The following CYFIP2 variants were observed in gnomAD, a reference collection of about 807,000 sequenced individuals.
CYFIP2 encodes the protein cytoplasmic FMR1-interacting protein 2.
CYFIP2 carries 29 observed loss-of-function variants against 158.7 expected under a neutral mutation model. The ratio of observed to expected loss-of-function variants is 0.18; its 90% CI spans 0.14 to 0.25. CYFIP2 has a LOEUF of 0.25. Ranked by LOEUF, CYFIP2 falls within the 10% of genes least tolerant of loss-of-function variation. CYFIP2 has a pLI of 1.00. For missense variants in CYFIP2, 852 were observed against 1,639.5 expected, an observed-to-expected ratio of 0.52 and a Z score of 8.29; for synonymous variants, 585 against 617.6, an observed-to-expected ratio of 0.95 and a Z score of 0.78.
At chr5:157,274,555 G>T (rs1279458776) in intron 1 of CYFIP2, among the ~76,000 whole-genome samples, 12 of 152,252 alleles carry the variant, frequency 7.9e-5, no homozygotes, top group Non-Finnish European at 2.9e-5. Flanking sequence ...TTTTTGTGTG[G>T]ACCTGTATTT....
At chr5:157,313,886 T>G (rs1759931671) in intron 11 of CYFIP2, among the ~76,000 whole-genome samples, 2 of 152,184 alleles carry the variant, frequency 1.3e-5, no homozygotes, top group Admixed American at 1.3e-4. Flanking sequence ...AAATATAGAC[T>G]AGAAAATCAG....
chr5:157,295,074 A>G (rs989487020), intron 4 of CYFIP2, among the ~76,000 whole-genome samples: 2 of 152,330 alleles, frequency 1.3e-5, no homozygotes, highest in African/African-American at 2.4e-5. Flanking sequence ...ACATTTGTTC[A>G]ATATATTTTA....
intron 1 of CYFIP2, among the ~76,000 whole-genome samples, chr5:157,283,104 T>C (rs74990244): frequency 0.12 from 18,404 of 152,248 alleles, 1,444 homozygotes; most frequent in Admixed American, 0.22. Flanking sequence ...CTTCAGACTA[T>C]GGAGCTGGAC....
At chr5:157,358,855 C>G in intron 23 of CYFIP2, 150 bp from the exon 24 acceptor site, 1 of 987,418 alleles carries the variant, frequency 1.0e-6, no homozygotes, top group Non-Finnish European at 1.5e-6. Flanking sequence ...CTCTCTATGA[C>G]CACCATTTTG....
chr5:157,330,756 A>G lies in CYFIP2; in HGVS notation c.2171A>G (p.Lys724Arg). ...KAMAGSVLLD[K>R]RFRAECKNYG... is the part of the protein sequence containing the mutation. ...ATTCCTTGCAGTGTCCTGTTGGATA[A>G]ACGTTTTCGAGCTGAGTGTAAGAAT... The change falls in exon 20 of 31, where the codon AAA becomes AGA. Residue 724 changes from lysine to arginine, a missense_variant. Lys to Arg is a conservative substitution (Grantham distance 26, BLOSUM62 2). Coordinates refer to ENST00000620254, the MANE Select transcript of CYFIP2 (RefSeq NM_001037333.3). 1 of 1,613,960 alleles carries G rather than the reference A, an allele frequency of 6.2e-7. No individual in the cohort carries two copies. The highest frequency in any genetic ancestry group is 1.1e-5 in the South Asian group (1 of 91,082).
rs1759540892 is a variant in CYFIP2 at position 157,309,655 on chromosome 5, G to A, written c.901-88G>A. On this transcript the variant is annotated intron_variant, in intron 9 of 30. Coordinates refer to ENST00000620254, the MANE Select transcript of CYFIP2 (RefSeq NM_001037333.3). Reference sequence around the variant, plus strand: ...GGGTCGGCCCCCAGGCACACACAGAGGCCTGCCTCCCACAGTGGGGTGGCA... The same window carrying A: ...GGGTCGGCCCCCAGGCACACACAGAAGCCTGCCTCCCACAGTGGGGTGGCA... 3 of 1,207,796 alleles carry A rather than the reference G, an allele frequency of 2.5e-6. No individual in the cohort carries two copies. The East Asian group carries it at 7.6e-5, about 31-fold the overall frequency. The allele number at this position is 1,207,796 out of a possible 1,614,324, so 74.8% of individuals were successfully genotyped here.
At chr5:157,342,183 A>G (rs1179025358) in intron 23 of CYFIP2, 1 of 152,584 alleles carries the variant, frequency 6.6e-6, no homozygotes, top group Non-Finnish European at 1.5e-5. Flanking sequence ...GTTTATTCTT[A>G]TGTCTCTTCC....
chr5:157,346,188 T>C (rs1762677714), intron 23 of CYFIP2, among the ~76,000 whole-genome samples: 1 of 151,924 alleles, frequency 6.6e-6, no homozygotes, highest in Non-Finnish European at 1.5e-5. Context: ...GGGCTTGGGC[T>C]ACATCAGGAT....
At chr5:157,337,545 A>C (rs1042371131) in intron 21 of CYFIP2, among the ~76,000 whole-genome samples, 1 of 152,204 alleles carries the variant, frequency 6.6e-6, no homozygotes, top group Non-Finnish European at 1.5e-5. Flanking sequence ...ATTTCTGCAC[A>C]CTTCAACTTA....
intron 23 of CYFIP2, chr5:157,342,544 T>TAA (rs55678400): frequency 0.97 from 225,176 of 232,952 alleles, 108,921 homozygotes; most frequent in East Asian, 1. Context: ...GTGTTTTATT[T>TAA]GTCATGCAAA....
intron 3 of CYFIP2, among the ~76,000 whole-genome samples, chr5:157,292,925 A>C (rs2113864104): frequency 6.6e-6 from 1 of 152,288 alleles, no homozygotes; most frequent in African/African-American, 2.4e-5. Flanking sequence ...ATGATTTAAC[A>C]GATGACTAAG....
At chr5:157,343,637 G>T (rs1762466419) in intron 23 of CYFIP2, 2 of 996,040 alleles carry the variant, frequency 2.0e-6, no homozygotes, top group African/African-American at 3.3e-5. Flanking sequence ...TTTGAGACGG[G>T]CACTCATGTT....
intron 1 of CYFIP2, among the ~76,000 whole-genome samples, chr5:157,273,167 TG>T (rs1221130839): frequency 1.3e-5 from 2 of 152,150 alleles, no homozygotes; most frequent in Non-Finnish European, 2.9e-5. Flanking sequence ...TGCCTGGCCC[TG>T]TCCTTTTCTT....
chr5:157,342,675 A>G (rs2113253593), intron 23 of CYFIP2: 1 of 562,402 alleles, frequency 1.8e-6, no homozygotes, highest in East Asian at 2.8e-5. Context: ...GTGCCTTGGC[A>G]TACCCTGGGG....
rs945876722 is a variant in CYFIP2 at position 157,395,305 on chromosome 5, C to A, written c.*2305C>A. The A allele has an allele frequency of 2.1e-5, 6 of 281,272 alleles. No homozygotes were observed. The highest frequency in any genetic ancestry group is 4.1e-5 in the Non-Finnish European group (6 of 147,718). The allele number at this position is 281,272 out of a possible 1,614,324, so 17.4% of individuals were successfully genotyped here. On this transcript the variant is annotated 3_prime_UTR_variant, in exon 31 of 31. Coordinates refer to ENST00000620254, the MANE Select transcript of CYFIP2 (RefSeq NM_001037333.3). Reference sequence around the variant, plus strand: ...TATTTTTTTTGTGTGTGTCTAATAACCAGGAAAAAAATAAAGCTTAGGTTT... The same window carrying A: ...TATTTTTTTTGTGTGTGTCTAATAAACAGGAAAAAAATAAAGCTTAGGTTT...
intron 26 of CYFIP2, 22 bp from the exon 27 acceptor site, chr5:157,382,568 T>C (rs1766234966): frequency 1.9e-6 from 3 of 1,613,378 alleles, no homozygotes; most frequent in African/African-American, 1.3e-5. Flanking sequence ...TGTTTTCTCT[T>C]TCTTTACCCC....
rs533696023 is a variant in CYFIP2 at position 157,363,377 on chromosome 5, A to T, written c.3039+1779A>T. ...AGTTCTAGGTTGTGGATAAATGGTC[A>T]TGAATAAGAGACAGAGTTTTACCAT... On this transcript the variant is annotated intron_variant, in intron 26 of 30. Coordinates refer to ENST00000620254, the MANE Select transcript of CYFIP2 (RefSeq NM_001037333.3). 2.0e-5 allele frequency: 3 copies of T among 152,366 alleles called. No homozygotes were observed. The East Asian group carries it at 5.8e-4, about 29-fold the overall frequency. The allele number at this position is 152,366 out of a possible 1,614,324, so 9.4% of individuals were successfully genotyped here.
intron 11 of CYFIP2, among the ~76,000 whole-genome samples, chr5:157,314,016 G>C (rs1475281095): frequency 6.6e-6 from 1 of 152,134 alleles, no homozygotes; most frequent in Non-Finnish European, 1.5e-5. Flanking sequence ...GATTGCTTGA[G>C]CCCAGGAGAC....
chr5:157,368,848 C>G (rs1420136194), intron 26 of CYFIP2, among the ~76,000 whole-genome samples: 1 of 152,038 alleles, frequency 6.6e-6, no homozygotes, highest in Non-Finnish European at 1.5e-5. Flanking sequence ...AGAGGGTTAC[C>G]CTCCAAGCCC....
Sources: allele counts gnomAD v4.1 joint callset (sites outside exome capture counted in the v4.1 genomes callset), GRCh38; gene constraint gnomAD v4.1.1; transcripts MANE v1.5; gene names NCBI Gene and HGNC (gene_info 2026-07-23, HGNC 2026-07-21).